Variants in KIF5C observed in about 807,000 individuals in gnomAD.
KIF5C encodes the protein kinesin family member 5C.
In KIF5C, 18 loss-of-function variants were observed where a neutral mutation model predicts 125.2. The ratio of observed to expected loss-of-function variants is 0.14; its 90% CI spans 0.10 to 0.21. The LOEUF is 0.21. Ranked by LOEUF, KIF5C falls within the 10% of genes least tolerant of loss-of-function variation. The probability of loss-of-function intolerance (pLI) is 1.00; values close to 1 mark genes in which losing one functional copy is unlikely to be tolerated. For synonymous variants in KIF5C, 405 were observed against 434.0 expected, an observed-to-expected ratio of 0.93 and a Z score of 0.83; for missense variants, 780 against 1,183.8, an observed-to-expected ratio of 0.66 and a Z score of 5.01.
At chr2:149,007,918 G>A in intron 22 of KIF5C, 45 bp from the exon 23 acceptor site, 1 of 1,492,440 alleles carries the variant, frequency 6.7e-7, no homozygotes, top group Non-Finnish European at 9.1e-7. Context: ...GGCGGAGGGT[G>A]GGTGGGTGAC....
At chr2:148,906,406 G>GAA (rs958129920) in intron 1 of KIF5C, among the ~76,000 whole-genome samples, 1 of 152,114 alleles carries the variant, frequency 6.6e-6, no homozygotes, top group African/African-American at 2.4e-5. Flanking sequence ...TTTACTGGAG[G>GAA]AAAGGCTTGG....
At chr2:148,885,248 A>G (rs1463871629) in intron 1 of KIF5C, among the ~76,000 whole-genome samples, 1 of 152,156 alleles carries the variant, frequency 6.6e-6, no homozygotes, top group Non-Finnish European at 1.5e-5. Flanking sequence ...GGCCTCCCAA[A>G]GTGCTAGGAT....
chr2:149,009,272 G>T (rs1378236404), intron 23 of KIF5C, among the ~76,000 whole-genome samples: 2 of 152,070 alleles, frequency 1.3e-5, no homozygotes, highest in Non-Finnish European at 2.9e-5. Flanking sequence ...TTACAGACGT[G>T]AGCCACTGCA....
intron 7 of KIF5C, among the ~76,000 whole-genome samples, chr2:148,945,657 G>A (rs1006186265): frequency 2.6e-5 from 4 of 152,026 alleles, no homozygotes; most frequent in South Asian, 2.1e-4. Flanking sequence ...CCTATCACCC[G>A]AACTGTATGC....
At chr2:148,982,075 A>G (rs1274580865) in intron 14 of KIF5C, among the ~76,000 whole-genome samples, 1 of 152,230 alleles carries the variant, frequency 6.6e-6, no homozygotes, top group Non-Finnish European at 1.5e-5. Flanking sequence ...GCAGGGTCCC[A>G]TAGAAGGTAT....
intron 10 of KIF5C, among the ~76,000 whole-genome samples, chr2:148,951,928 C>T (rs1170547500): frequency 2.0e-5 from 3 of 152,150 alleles, no homozygotes; most frequent in Non-Finnish European, 4.4e-5. Context: ...GAGCCCTCAA[C>T]AGAACATAGA....
intron 25 of KIF5C, among the ~76,000 whole-genome samples, chr2:149,022,199 G>A (rs1270037729): frequency 6.6e-6 from 1 of 152,126 alleles, no homozygotes; most frequent in African/African-American, 2.4e-5. Flanking sequence ...CCTAAGTGCA[G>A]GCAAATGAGA....
chr2:149,022,417 T>C (rs1213816363), intron 25 of KIF5C, among the ~76,000 whole-genome samples: 1 of 152,010 alleles, frequency 6.6e-6, no homozygotes, highest in Non-Finnish European at 1.5e-5. Context: ...TAAGTCCAAA[T>C]TGAGATGGGC....
At chr2:148,925,530 G>C (rs139396096) in intron 2 of KIF5C, among the ~76,000 whole-genome samples, 76 of 152,316 alleles carry the variant, frequency 5.0e-4, no homozygotes, top group African/African-American at 1.6e-3. Flanking sequence ...GTACAGAAGA[G>C]GAATTTGAGG....
At chr2:148,885,368 C>A (rs1681487096) in intron 1 of KIF5C, among the ~76,000 whole-genome samples, 1 of 152,218 alleles carries the variant, frequency 6.6e-6, no homozygotes, top group South Asian at 2.1e-4. Flanking sequence ...GAGCTTCCTG[C>A]TCTGTGGCCT....
intron 3 of KIF5C, among the ~76,000 whole-genome samples, chr2:148,936,382 G>A (rs73966652): frequency 0.16 from 24,495 of 152,214 alleles, 2,993 homozygotes; most frequent in African/African-American, 0.34. Context: ...GTTCACTGAT[G>A]GATTGTTGAA....
intron 25 of KIF5C, among the ~76,000 whole-genome samples, chr2:149,016,021 G>C (rs1393401150): frequency 6.6e-6 from 1 of 152,234 alleles, no homozygotes; most frequent in Non-Finnish European, 1.5e-5. Context: ...GTTGAGAACT[G>C]AGTGATGAAA....
At chr2:149,014,217 G>T (rs1217100703) in intron 25 of KIF5C, among the ~76,000 whole-genome samples, 1 of 152,178 alleles carries the variant, frequency 6.6e-6, no homozygotes, top group African/African-American at 2.4e-5. Context: ...TAGAGACAGG[G>T]TTTCACCATG....
At chr2:148,883,742 T>C (rs1681436267) in intron 1 of KIF5C, 1 of 152,222 alleles carries the variant, frequency 6.6e-6, no homozygotes, top group African/African-American at 2.4e-5. Flanking sequence ...TTTCATTATA[T>C]GCCTAATCAA....
At chr2:149,016,045 C>G (rs1185145005) in intron 25 of KIF5C, among the ~76,000 whole-genome samples, 1 of 152,178 alleles carries the variant, frequency 6.6e-6, no homozygotes, top group Non-Finnish European at 1.5e-5. Flanking sequence ...GCCAGGCACA[C>G]AGCAACCTGG....
At chr2:148,955,344 A>G (rs912839858) in intron 10 of KIF5C, among the ~76,000 whole-genome samples, 1 of 152,206 alleles carries the variant, frequency 6.6e-6, no homozygotes, top group Non-Finnish European at 1.5e-5. Context: ...TAGCACTTAC[A>G]ATCAGCTGAC....
At chr2:148,921,814 T>A (rs1681797296) in intron 1 of KIF5C, among the ~76,000 whole-genome samples, 1 of 152,192 alleles carries the variant, frequency 6.6e-6, no homozygotes. Context: ...TTTTTCAGCA[T>A]CTAGCCCAGT....
intron 1 of KIF5C, among the ~76,000 whole-genome samples, chr2:148,882,116 G>A (rs986621894): frequency 4.6e-5 from 7 of 152,070 alleles, no homozygotes; most frequent in African/African-American, 9.7e-5. Flanking sequence ...TGGAGAACTC[G>A]GGAGAAAACT....
At chr2:149,003,997 G>A (rs1057085983) in intron 21 of KIF5C, among the ~76,000 whole-genome samples, 1 of 152,234 alleles carries the variant, frequency 6.6e-6, no homozygotes, top group Non-Finnish European at 1.5e-5. Flanking sequence ...AGCTCCCTCC[G>A]GCAGGGCCTG....
Sources: gnomAD v4.1 joint callset for allele counts (sites outside exome capture counted in the v4.1 genomes callset) on GRCh38, gnomAD v4.1.1 for gene constraint, MANE v1.5 for transcripts, NCBI Gene and HGNC (gene_info 2026-07-23, HGNC 2026-07-21) for gene names.